Variants in HGD observed in about 807,000 individuals in gnomAD.
HGD encodes homogentisate 1,2-dioxygenase.
In HGD, 61 loss-of-function variants were observed where a neutral mutation model predicts 60.8. The observed-to-expected ratio is 1.00, with a 90% confidence interval of 0.82 to 1.24. The LOEUF is 1.24. Among genes scored for constraint, HGD ranks in the 50% most tolerant of loss-of-function variants. The probability of loss-of-function intolerance (pLI) is 0.00; values close to 1 mark genes in which losing one functional copy is unlikely to be tolerated. For synonymous variants in HGD, 212 were observed against 187.7 expected, an observed-to-expected ratio of 1.13 and a Z score of -1.06; for missense variants, 542 against 547.1, an observed-to-expected ratio of 0.99 and a Z score of 0.09.
intron 5 of HGD, among the ~76,000 whole-genome samples, 161 bp downstream of exon 5, chr3:120,652,431 A>G (rs1941369602): frequency 6.6e-6 from 1 of 152,100 alleles, no homozygotes; most frequent in Non-Finnish European, 1.5e-5. Context: ...TTCTGTAAGT[A>G]AGACATCCCT....
At chr3:120,649,511 G>C (rs1941271345) in intron 6 of HGD, among the ~76,000 whole-genome samples, 1 of 152,062 alleles carries the variant, frequency 6.6e-6, no homozygotes, top group South Asian at 2.1e-4. Context: ...TTCCAGTTTG[G>C]AGGTGTATTC....
chr3:120,677,178 T>A (rs1708146616), intron 1 of HGD, among the ~76,000 whole-genome samples: 1 of 152,176 alleles, frequency 6.6e-6, no homozygotes, highest in African/African-American at 2.4e-5. Context: ...GCATGTGTGT[T>A]TGAGCAACAT....
intron 1 of HGD, among the ~76,000 whole-genome samples, chr3:120,676,625 T>G (rs1350887766): frequency 6.6e-6 from 1 of 152,154 alleles, no homozygotes; most frequent in African/African-American, 2.4e-5. Context: ...CAGTGGAAAT[T>G]TGTCGATTGA....
intron 4 of HGD, among the ~76,000 whole-genome samples, chr3:120,660,312 T>G (rs1216902435): frequency 6.6e-6 from 1 of 152,146 alleles, no homozygotes; most frequent in East Asian, 1.9e-4. Flanking sequence ...CAGGGTAATT[T>G]GTGGTGGTGA....
intron 4 of HGD, among the ~76,000 whole-genome samples, chr3:120,658,820 C>T (rs1397896997): frequency 6.6e-6 from 1 of 152,248 alleles, no homozygotes; most frequent in Non-Finnish European, 1.5e-5. Flanking sequence ...TCCTGTGCAC[C>T]TGCAGTCTTA....
chr3:120,647,603 C>T (rs932302766), intron 7 of HGD, among the ~76,000 whole-genome samples: 1 of 152,168 alleles, frequency 6.6e-6, no homozygotes, highest in Non-Finnish European at 1.5e-5. Flanking sequence ...TAGTATTAGT[C>T]TTCATTTCTT....
chr3:120,674,259 C>G (rs141091610), intron 3 of HGD, among the ~76,000 whole-genome samples: 1 of 152,138 alleles, frequency 6.6e-6, no homozygotes, highest in Non-Finnish European at 1.5e-5. Flanking sequence ...ATAACACATA[C>G]TGCATCCAAC....
chr3:120,679,873 A>G (rs1708202198), intron 1 of HGD, among the ~76,000 whole-genome samples: 1 of 152,218 alleles, frequency 6.6e-6, no homozygotes, highest in Non-Finnish European at 1.5e-5. Flanking sequence ...CAGACTTCTG[A>G]CCTCCACAAC....
chr3:120,668,008 G>C (rs910914510), intron 4 of HGD, among the ~76,000 whole-genome samples: 3 of 152,120 alleles, frequency 2.0e-5, no homozygotes, highest in Non-Finnish European at 4.4e-5. Flanking sequence ...AGGGGAAAGG[G>C]AGGAGCTGAA....
chr3:120,651,395 G>C (rs1280431295), intron 5 of HGD, among the ~76,000 whole-genome samples: 1 of 152,190 alleles, frequency 6.6e-6, no homozygotes, highest in Non-Finnish European at 1.5e-5. Context: ...CATAGTGCAA[G>C]AAACCTTAAC....
In HGD at chr3:120,674,942, T is replaced by C. The variant is rs929489599; in HGVS notation, c.135A>G (p.Ser45=). 1.2e-6 allele frequency: 2 copies of C among 1,611,996 alleles called. No homozygotes were observed. The highest frequency in any genetic ancestry group is 2.7e-5 in the African/African-American group (2 of 74,836). The part of the protein sequence containing the change: ...CPYNLYAEQL[S]GSAFTCPRST... ...TCCGTGGACAAGTGAAAGCCGATCCTGAGAGCTGCTCAGCATAGAGATTGT... is the reference window on the plus strand; with the variant it reads ...TCCGTGGACAAGTGAAAGCCGATCCCGAGAGCTGCTCAGCATAGAGATTGT... The change falls in exon 3 of 14, where the codon TCA becomes TCG. Residue 45 remains serine (S), a synonymous_variant. Transcript: ENST00000283871.
chr3:120,654,270 G>A (rs1001619210), intron 4 of HGD, among the ~76,000 whole-genome samples: 8 of 152,128 alleles, frequency 5.3e-5, no homozygotes, highest in South Asian at 2.1e-4. Flanking sequence ...GGTTGCCTGC[G>A]TAATCTTTTA....
At chr3:120,659,798 G>C (rs1178533340) in intron 4 of HGD, among the ~76,000 whole-genome samples, 3 of 152,198 alleles carry the variant, frequency 2.0e-5, no homozygotes, top group Non-Finnish European at 4.4e-5. Context: ...AAAGAAAAGA[G>C]GTTTGATTGG....
At chr3:120,631,274 A>C (rs577675938) in intron 13 of HGD, among the ~76,000 whole-genome samples, 15 of 152,322 alleles carry the variant, frequency 9.8e-5, no homozygotes, top group African/African-American at 3.6e-4. Context: ...AAAATGAATA[A>C]GACCTAGCAT....
chr3:120,653,969 A>G (rs1941418180), intron 4 of HGD, among the ~76,000 whole-genome samples: 1 of 152,176 alleles, frequency 6.6e-6, no homozygotes, highest in East Asian at 1.9e-4. Flanking sequence ...GAAATTGCCA[A>G]ACATCACTTG....
chr3:120,642,130 T>C (rs1231266812), intron 10 of HGD, among the ~76,000 whole-genome samples: 1 of 152,128 alleles, frequency 6.6e-6, no homozygotes, highest in Admixed American at 6.5e-5. Context: ...AGTGCCTGGG[T>C]TGGTGAGTCC....
At chr3:120,643,170 C>A (rs1941043670) in intron 10 of HGD, among the ~76,000 whole-genome samples, 1 of 152,214 alleles carries the variant, frequency 6.6e-6, no homozygotes, top group South Asian at 2.1e-4. Flanking sequence ...GTCGCCCGGG[C>A]TGGAGTGCAA....
intron 6 of HGD, among the ~76,000 whole-genome samples, chr3:120,648,388 G>A (rs763472154): frequency 3.9e-5 from 6 of 152,134 alleles, no homozygotes; most frequent in Non-Finnish European, 7.3e-5. Flanking sequence ...GAGGGGAGGT[G>A]GCCTGATATG....
At chr3:120,658,071 TA>T (rs1941553864) in intron 4 of HGD, among the ~76,000 whole-genome samples, 1 of 152,158 alleles carries the variant, frequency 6.6e-6, no homozygotes, top group South Asian at 2.1e-4. Flanking sequence ...ATCCAAACCA[TA>T]TTATTCTGCC....
Sources: gnomAD v4.1 joint callset for allele counts (sites outside exome capture counted in the v4.1 genomes callset) on GRCh38, gnomAD v4.1.1 for gene constraint, MANE v1.5 for transcripts, NCBI Gene and HGNC (gene_info 2026-07-23, HGNC 2026-07-21) for gene names.